Variants in NFIB observed in about 807,000 individuals in gnomAD.
NFIB encodes the protein nuclear factor 1 B-type.
In NFIB, 11 loss-of-function variants were observed where a neutral mutation model predicts 61.5. The ratio of observed to expected loss-of-function variants is 0.18; its 90% CI spans 0.11 to 0.30. NFIB has a LOEUF of 0.30. Among genes scored for constraint, NFIB ranks in the 10% least tolerant of loss-of-function variants. The pLI is 1.00. For missense variants in NFIB, 471 were observed against 608.9 expected, an observed-to-expected ratio of 0.77 and a Z score of 2.38; for synonymous variants, 260 against 216.5, an observed-to-expected ratio of 1.20 and a Z score of -1.76.
intron 2 of NFIB, among the ~76,000 whole-genome samples, chr9:14,184,789 G>C (rs1476748868): frequency 6.6e-6 from 1 of 152,156 alleles, no homozygotes; most frequent in African/African-American, 2.4e-5. Context: ...TGGAGGCTGA[G>C]GCAGGCAGAT....
At chr9:14,123,106 A>C (rs1399634230) in intron 7 of NFIB, among the ~76,000 whole-genome samples, 1 of 151,680 alleles carries the variant, frequency 6.6e-6, no homozygotes, top group African/African-American at 2.4e-5. Context: ...AAAATACAAA[A>C]ATTAGCTGAG....
Position 14,085,902 on chromosome 9 carries a change from A to G in NFIB, c.*2407T>C, listed in dbSNP as rs2032799252. The G allele has an allele frequency of 1.8e-5, 4 of 226,386 alleles. No individual in the cohort carries two copies. Among genetic ancestry groups the G allele is most frequent in the Middle Eastern group, 1.3e-3 (1 of 778 alleles). 14.0% of individuals were successfully genotyped at this position (226,386 alleles called of 1,614,324 possible). A position where few individuals can be genotyped will look rare whatever the true frequency, so the allele number is the denominator to read the frequency against. On this transcript the variant is annotated 3_prime_UTR_variant, in exon 11 of 11. Transcript: ENST00000380953. ...AAGTGTTAAACATCCAACATCCCCT[A>G]TGTGGACATTTCAACAAATATTTTT... is the stretch of plus-strand genomic sequence containing the variant.
chr9:14,481,197 G>GTGTGTGTATA, the NFIB span, among the ~76,000 whole-genome samples: 1 of 45,826 alleles, frequency 2.2e-5, no homozygotes, highest in Non-Finnish European at 3.9e-5. Context: ...GTGTGTGTGT[G>GTGTGTGTATA]TATATATATA....
At position 14,385,408 on chromosome 9, in the gene NFIB, A is replaced by C. The variant is rs1164586308; in HGVS notation, c.108+13116T>G. Among the ~76,000 whole-genome samples, 3 of 152,364 alleles carry C rather than the reference A, an allele frequency of 2.0e-5. No homozygotes were observed. The East Asian group carries it at 5.8e-4, about 29-fold the overall frequency. On this transcript the variant is annotated intron_variant, in intron 1 of 8. Coordinates refer to the NFIB transcript ENST00000380934. ...ATTATAGATGATACAGCCATCATAC[A>C]GAGGGGGTTGGGAGGCCTTTGCAAA...
chr9:14,184,974 G>A (rs990437187), intron 2 of NFIB, among the ~76,000 whole-genome samples: 2 of 152,166 alleles, frequency 1.3e-5, no homozygotes, highest in Non-Finnish European at 2.9e-5. Context: ...AGTGAGCCAA[G>A]ATCGGCTCAT....
At chr9:14,274,002 AAT>A (rs2132355050) in intron 2 of NFIB, among the ~76,000 whole-genome samples, 2 of 152,256 alleles carry the variant, frequency 1.3e-5, no homozygotes, top group South Asian at 4.1e-4. Context: ...ATCAGTGAGC[AAT>A]GTTATCTACA....
Position 14,313,364 on chromosome 9 carries a change from T to C in NFIB, c.30+118A>G, listed in dbSNP as rs887950383. On this transcript the variant is annotated intron_variant, in intron 1 of 10. Transcript: ENST00000380953. The surrounding 1 kb of genome is among the most constrained non-coding windows in gnomAD (Gnocchi z 4.5). Reference sequence around the variant, plus strand: ...GACGCCCGCTGCAACTCCGGGCCACTTCTCCAAGGGACGGGGATGTGCGGA... The same window carrying C: ...GACGCCCGCTGCAACTCCGGGCCACCTCTCCAAGGGACGGGGATGTGCGGA... The C allele has an allele frequency of 1.4e-6, 2 of 1,451,736 alleles. No homozygotes were observed. Among genetic ancestry groups the C allele is most frequent in the Non-Finnish European group, 1.9e-6 (2 of 1,066,058 alleles). The allele number at this position is 1,451,736 out of a possible 1,614,324, so 89.9% of individuals were successfully genotyped here.
At chr9:14,456,294 G>T in the NFIB span, among the ~76,000 whole-genome samples, 1 of 151,424 alleles carries the variant, frequency 6.6e-6, no homozygotes, top group African/African-American at 2.4e-5. Flanking sequence ...GACTTTTAAA[G>T]CTATGACACA....
intron 2 of NFIB, among the ~76,000 whole-genome samples, chr9:14,243,668 T>C (rs774761381): frequency 7.2e-5 from 11 of 152,212 alleles, no homozygotes; most frequent in Non-Finnish European, 1.3e-4. Context: ...TGGTATCTTA[T>C]TGTATTTCAT....
At chr9:14,202,824 T>C (rs1173763909) in intron 2 of NFIB, among the ~76,000 whole-genome samples, 4 of 152,208 alleles carry the variant, frequency 2.6e-5, no homozygotes, top group South Asian at 4.1e-4. Context: ...ATACCAAATT[T>C]AGCTTTACAA....
chr9:14,298,010 AAT>A (rs1353176858), intron 2 of NFIB, among the ~76,000 whole-genome samples: 1 of 152,196 alleles, frequency 6.6e-6, no homozygotes, highest in African/African-American at 2.4e-5. Flanking sequence ...CATTAAAATA[AAT>A]AGTTATTTTT....
At chr9:14,316,789 G>A (rs1393715067), upstream of NFIB, among the ~76,000 whole-genome samples, 1 of 152,128 alleles carries the variant, frequency 6.6e-6, no homozygotes, top group Non-Finnish European at 1.5e-5. Flanking sequence ...AGGGGGTGGG[G>A]AAGCTCTACT....
intron 1 of NFIB, among the ~76,000 whole-genome samples, chr9:14,311,285 T>C (rs1456927937): frequency 2.6e-5 from 4 of 152,152 alleles, no homozygotes; most frequent in Non-Finnish European, 2.9e-5. Context: ...AGAATGATAC[T>C]CTATTTTGCA....
At chr9:14,169,302 T>C (rs1432700855) in intron 3 of NFIB, among the ~76,000 whole-genome samples, 2 of 152,126 alleles carry the variant, frequency 1.3e-5, no homozygotes, top group East Asian at 3.9e-4. Context: ...GGAACACACA[T>C]ACATGCAAGG....
chr9:14,185,054 A>G, intron 2 of NFIB, among the ~76,000 whole-genome samples: 1 of 145,618 alleles, frequency 6.9e-6, no homozygotes. Context: ...TTTATATTTA[A>G]TTTACAATAA....
At chr9:14,466,666 CTT>C in the NFIB span, among the ~76,000 whole-genome samples, 1 of 152,340 alleles carries the variant, frequency 6.6e-6, no homozygotes, top group South Asian at 2.1e-4. Flanking sequence ...TTTCTCCTCT[CTT>C]CTTTCTCCTC....
Position 14,084,814 on chromosome 9 carries a change from T to C in NFIB, c.*3495A>G, listed in dbSNP as rs2032594536. 4.4e-6 allele frequency: 1 copy of C among 227,780 alleles called. No homozygotes were observed. The highest frequency in any genetic ancestry group is 8.7e-6 in the Non-Finnish European group (1 of 114,680). 14.1% of individuals were successfully genotyped at this position (227,780 alleles called of 1,614,324 possible). On this transcript the variant is annotated 3_prime_UTR_variant, in exon 11 of 11. Coordinates refer to ENST00000380953, the MANE Select transcript of NFIB (RefSeq NM_001190737.2). ...AAGTTGATTTGAGATTTTATATATA[T>C]AGTAGTACTTTTAATAGTTTTATCT...
At chr9:14,133,826 G>A (rs2040687511) in intron 6 of NFIB, among the ~76,000 whole-genome samples, 1 of 152,174 alleles carries the variant, frequency 6.6e-6, no homozygotes, top group Admixed American at 6.5e-5. Context: ...TATTTCTAAG[G>A]ATCTCCATGT....
At chr9:14,227,907 C>A (rs2052633719) in intron 2 of NFIB, among the ~76,000 whole-genome samples, 1 of 152,144 alleles carries the variant, frequency 6.6e-6, no homozygotes, top group Non-Finnish European at 1.5e-5. Flanking sequence ...TAATTCATGT[C>A]TTATTATGGT....
Sources: allele counts gnomAD v4.1 joint callset (sites outside exome capture counted in the v4.1 genomes callset), GRCh38; gene constraint gnomAD v4.1.1; non-coding constraint Gnocchi (gnomAD v3.1); transcripts MANE v1.5; gene names NCBI Gene and HGNC (gene_info 2026-07-23, HGNC 2026-07-21).